DORIP1: variants seen among roughly 807,000 people sequenced by gnomAD.
DORIP1 encodes the protein dopamine receptor interacting protein 1, also known as dopamine receptor-interacting protein 1.
At chr14:44,904,448 C>T in the DORIP1 span, 3 of 1,611,648 alleles carry the variant, frequency 1.9e-6, no homozygotes, top group South Asian at 3.3e-5. Flanking sequence ...GGGGCACCCC[C>T]TTTTGTTGTC....
the DORIP1 span, chr14:44,903,440 C>T: frequency 7.1e-7 from 1 of 1,412,636 alleles, no homozygotes; most frequent in Non-Finnish European, 9.3e-7. Flanking sequence ...CGGAGTATAT[C>T]ACTACATAGA....
At chr14:44,904,623 GA>G in the DORIP1 span, 1 of 1,211,128 alleles carries the variant, frequency 8.3e-7, no homozygotes, top group Non-Finnish European at 1.1e-6. Flanking sequence ...AGATATTGTT[GA>G]AAACAATCAT....
chr14:44,905,792 A>G, the DORIP1 span: 23 of 264,112 alleles, frequency 8.7e-5, no homozygotes, highest in Non-Finnish European at 1.5e-4. Context: ...GGAATAAAAT[A>G]TATCTTGTGG....
the DORIP1 span, chr14:44,904,598 T>G: frequency 7.2e-7 from 1 of 1,393,492 alleles, no homozygotes; most frequent in Non-Finnish European, 9.6e-7. Context: ...ATTATGATTT[T>G]GACTAGCCCT....
At chr14:44,897,867 G>T in the DORIP1 span, among the ~76,000 whole-genome samples, 7 of 152,310 alleles carry the variant, frequency 4.6e-5, no homozygotes, top group Non-Finnish European at 7.4e-5. Context: ...CGCGCTGCTG[G>T]GAGCGGTAGC....
At chr14:44,905,363 G>T in the DORIP1 span, 4 of 1,488,482 alleles carry the variant, frequency 2.7e-6, no homozygotes, top group Non-Finnish European at 3.7e-6. Flanking sequence ...TATTTAATTT[G>T]CAGGTATTTG....
chr14:44,900,429 A>G, the DORIP1 span: 1 of 1,460,904 alleles, frequency 6.8e-7, no homozygotes, highest in African/African-American at 1.4e-5. Flanking sequence ...AACTTTTAAA[A>G]TGTAGGATGA....
chr14:44,900,206 A>G, the DORIP1 span, among the ~76,000 whole-genome samples: 3 of 152,070 alleles, frequency 2.0e-5, no homozygotes, highest in Non-Finnish European at 2.9e-5. Context: ...AGCCTATCAA[A>G]TGGCCATCTG....
chr14:44,904,469 A>C, the DORIP1 span: 1 of 1,612,384 alleles, frequency 6.2e-7, no homozygotes, highest in Non-Finnish European at 8.5e-7. Context: ...TTAAATATGC[A>C]ACATTGGAAA....
the DORIP1 span, chr14:44,905,397 CA>C: frequency 6.5e-7 from 1 of 1,540,434 alleles, no homozygotes; most frequent in Non-Finnish European, 8.8e-7. Context: ...CATTATTTAA[CA>C]AAGAGGAACA....
At chr14:44,898,257 G>T in the DORIP1 span, among the ~76,000 whole-genome samples, 1 of 151,794 alleles carries the variant, frequency 6.6e-6, no homozygotes, top group Non-Finnish European at 1.5e-5. Flanking sequence ...ATTTACTTTG[G>T]AACAAATCAC....
At chr14:44,900,551 G>T in the DORIP1 span, 10 of 1,608,122 alleles carry the variant, frequency 6.2e-6, no homozygotes, top group Non-Finnish European at 8.5e-6. Flanking sequence ...AAAGCTGGCC[G>T]CAAAGCAGTA....
chr14:44,904,705 A>C, the DORIP1 span: 1 of 649,932 alleles, frequency 1.5e-6, no homozygotes, highest in African/African-American at 1.9e-5. Context: ...CTAGCAGTGC[A>C]CATAGTGGGT....
At chr14:44,900,066 G>A in the DORIP1 span, among the ~76,000 whole-genome samples, 1 of 152,074 alleles carries the variant, frequency 6.6e-6, no homozygotes, top group Non-Finnish European at 1.5e-5. Context: ...CCCGACCTCA[G>A]GTGATCGCCC....
chr14:44,905,450 A>G, the DORIP1 span: 5 of 1,576,638 alleles, frequency 3.2e-6, no homozygotes, highest in African/African-American at 1.3e-5. Flanking sequence ...CATTGGATGC[A>G]CTATGATGGG....
At chr14:44,903,836 A>G in the DORIP1 span, 1 of 984,916 alleles carries the variant, frequency 1.0e-6, no homozygotes, top group Non-Finnish European at 1.2e-6. Flanking sequence ...GTAGCAACAA[A>G]TACTGAAACA....
At chr14:44,900,690 TAG>T in the DORIP1 span, 54 of 1,613,466 alleles carry the variant, frequency 3.3e-5, no homozygotes, top group South Asian at 5.2e-4. Flanking sequence ...TTCATTTTGG[TAG>T]AGAGTTTGTA....
chr14:44,903,205 A>G, the DORIP1 span: 1 of 1,598,168 alleles, frequency 6.3e-7, no homozygotes, highest in South Asian at 1.1e-5. Context: ...TAATTATTAT[A>G]GTCCTCCCCA....
the DORIP1 span, among the ~76,000 whole-genome samples, chr14:44,902,837 C>T: frequency 6.6e-6 from 1 of 151,962 alleles, no homozygotes; most frequent in Non-Finnish European, 1.5e-5. Flanking sequence ...GTACTTGAGG[C>T]CAAGAATGAT....
Sources: gnomAD v4.1 joint callset for allele counts (sites outside exome capture counted in the v4.1 genomes callset) on GRCh38, gnomAD v4.1.1 for gene constraint, MANE v1.5 for transcripts, NCBI Gene and HGNC (gene_info 2026-07-23, HGNC 2026-07-21) for gene names.